CSMD1: variants seen among roughly 807,000 people sequenced by gnomAD.
CSMD1 encodes CUB and sushi domain-containing protein 1.
Under a neutral mutation model 417.5 loss-of-function variants are expected in CSMD1, and 213 were observed. The ratio of observed to expected loss-of-function variants is 0.51; its 90% CI spans 0.46 to 0.57. The LOEUF (loss-of-function observed/expected upper bound fraction) is 0.57. Among genes scored for constraint, CSMD1 ranks in the 20% least tolerant of loss-of-function variants. The pLI is 0.00. For synonymous variants in CSMD1, 2,862 were observed against 1,736.8 expected, an observed-to-expected ratio of 1.65 and a Z score of -16.11; for missense variants, 6,923 against 4,529.7, an observed-to-expected ratio of 1.53 and a Z score of -15.17.
intron 1 of CSMD1, among the ~76,000 whole-genome samples, chr8:4,888,794 A>G (rs2116990208): frequency 6.6e-6 from 1 of 152,230 alleles, no homozygotes; most frequent in South Asian, 2.1e-4. Flanking sequence ...AGGACATATC[A>G]AAAGGTCACA....
At chr8:3,951,301 A>G (rs959854929) in intron 5 of CSMD1, among the ~76,000 whole-genome samples, 1 of 152,192 alleles carries the variant, frequency 6.6e-6, no homozygotes, top group Admixed American at 6.5e-5. Flanking sequence ...TGTGTCTTCC[A>G]TGGCACCTTC....
At chr8:3,986,435 A>T (rs148309921) in intron 5 of CSMD1, among the ~76,000 whole-genome samples, 7 of 152,254 alleles carry the variant, frequency 4.6e-5, no homozygotes, top group African/African-American at 1.7e-4. Flanking sequence ...TTCAAGGTGA[A>T]ATCTGAAATA....
intron 5 of CSMD1, among the ~76,000 whole-genome samples, chr8:3,760,143 C>T (rs1797912468): frequency 6.6e-6 from 1 of 151,990 alleles, no homozygotes; most frequent in African/African-American, 2.4e-5. Flanking sequence ...AAAGGGTCTT[C>T]TTAAGGGAAT....
intron 3 of CSMD1, among the ~76,000 whole-genome samples, chr8:4,067,323 C>T (rs79939560): frequency 0.053 from 8,109 of 152,134 alleles, 265 homozygotes; most frequent in Non-Finnish European, 0.074. Flanking sequence ...CGTTAAGTAA[C>T]GTTTTCAAGT....
At chr8:4,765,260 G>A (rs1369521900) in intron 1 of CSMD1, among the ~76,000 whole-genome samples, 1 of 152,110 alleles carries the variant, frequency 6.6e-6, no homozygotes. Context: ...CTTTCCATAT[G>A]TGCCACACAA....
chr8:4,226,866 T>G (rs1301932187), intron 3 of CSMD1, among the ~76,000 whole-genome samples: 1 of 152,216 alleles, frequency 6.6e-6, no homozygotes, highest in African/African-American at 2.4e-5. Flanking sequence ...TGTCTTTAGT[T>G]TGGGAATAAG....
chr8:3,250,321 T>A (rs1486295974), intron 26 of CSMD1, among the ~76,000 whole-genome samples: 4 of 152,222 alleles, frequency 2.6e-5, no homozygotes, highest in African/African-American at 2.4e-5. Context: ...TGGTTTTTTA[T>A]CCTTGTGATA....
chr8:4,341,919 G>C (rs903736243), intron 3 of CSMD1, among the ~76,000 whole-genome samples: 2 of 152,064 alleles, frequency 1.3e-5, no homozygotes, highest in African/African-American at 4.8e-5. Flanking sequence ...TCTGTACTTA[G>C]AATTAGTACT....
At chr8:4,591,605 A>T (rs940127501) in intron 2 of CSMD1, among the ~76,000 whole-genome samples, 14 of 152,160 alleles carry the variant, frequency 9.2e-5, no homozygotes, top group Non-Finnish European at 2.1e-4. Context: ...TTCCAAGGGT[A>T]GTGATGGCGG....
intron 2 of CSMD1, among the ~76,000 whole-genome samples, chr8:4,432,798 T>C (rs773816651): frequency 6.6e-6 from 1 of 152,192 alleles, no homozygotes; most frequent in Non-Finnish European, 1.5e-5. Flanking sequence ...TTTTGGTTAT[T>C]GATTAGAAAC....
At chr8:3,376,592 T>C (rs186674829) in intron 18 of CSMD1, among the ~76,000 whole-genome samples, 10 of 152,080 alleles carry the variant, frequency 6.6e-5, no homozygotes, top group Admixed American at 2.0e-4. Context: ...GTTAAAACTA[T>C]CTTTCTTTAA....
intron 5 of CSMD1, among the ~76,000 whole-genome samples, chr8:3,782,191 A>T (rs1307717340): frequency 1.3e-5 from 2 of 152,220 alleles, no homozygotes; most frequent in Non-Finnish European, 2.9e-5. Flanking sequence ...GTCACATGAA[A>T]AGCAAATTCA....
At chr8:3,341,770 A>G (rs1807672293) in intron 23 of CSMD1, among the ~76,000 whole-genome samples, 1 of 152,174 alleles carries the variant, frequency 6.6e-6, no homozygotes, top group Admixed American at 6.5e-5. Flanking sequence ...TAATTAGACA[A>G]AATTTAATTT....
At position 4,951,751 on chromosome 8, in the gene CSMD1, C is replaced by A. The variant is rs1158458373; in HGVS notation, c.85+42581G>T. 1.3e-5 allele frequency among the ~76,000 whole-genome samples: 2 copies of A among 151,644 alleles called. 1 individual carries two copies. Among genetic ancestry groups the A allele is most frequent in the South Asian group, 4.2e-4 (2 of 4,812 alleles). Reference sequence around the variant, plus strand: ...TAATAATGTTACTCACAATCTTTCTCCACCCACACCCCCTACCTTTCCTTA... The same window carrying A: ...TAATAATGTTACTCACAATCTTTCTACACCCACACCCCCTACCTTTCCTTA... On this transcript the variant is annotated intron_variant, in intron 1 of 69. Transcript: ENST00000635120.
intron 25 of CSMD1, among the ~76,000 whole-genome samples, chr8:3,306,331 G>A (rs192205806): frequency 2.6e-5 from 4 of 152,280 alleles, no homozygotes; most frequent in East Asian, 1.9e-4. Context: ...GTGCCACCAT[G>A]CCCAGATGCT....
intron 3 of CSMD1, 57 bp downstream of exon 3, chr8:4,419,896 C>T (rs539908730): frequency 1.8e-6 from 2 of 1,127,450 alleles, no homozygotes; most frequent in African/African-American, 1.5e-5. Flanking sequence ...TCCAGTGTAG[C>T]ATGTATTAGA....
At chr8:3,934,607 C>T (rs897889474) in intron 5 of CSMD1, among the ~76,000 whole-genome samples, 1 of 152,098 alleles carries the variant, frequency 6.6e-6, no homozygotes, top group African/African-American at 2.4e-5. Context: ...GTAATCTCAG[C>T]ACTTTGGCAG....
Position 3,087,179 on chromosome 8 carries a change from T to G in CSMD1, c.7392A>C (p.Arg2464=), listed in dbSNP as rs1814592245. 1.2e-6 allele frequency: 2 copies of G among 1,613,862 alleles called. No individual in the cohort carries two copies. The highest frequency in any genetic ancestry group is 1.7e-6 in the Non-Finnish European group (2 of 1,179,910). ...KVHYFCKPGY[R]MVGHSNATCR... ...AGGTTGCATTGCTGTGGCCGACCAT[T>G]CGGTATCCAGGCTTGCAAAAATAAT... Residue 2464 remains arginine, a synonymous_variant, in exon 49 of 70, where the codon CGA becomes CGC. Coordinates refer to ENST00000635120, the MANE Select transcript of CSMD1 (RefSeq NM_033225.6).
intron 3 of CSMD1, among the ~76,000 whole-genome samples, chr8:4,064,923 T>C (rs781000867): frequency 1.5e-5 from 2 of 130,690 alleles, no homozygotes; most frequent in Admixed American, 8.3e-5. Flanking sequence ...GAATAGGACC[T>C]AGGCTTAAAA....
Sources: allele counts gnomAD v4.1 joint callset (sites outside exome capture counted in the v4.1 genomes callset), GRCh38; gene constraint gnomAD v4.1.1; transcripts MANE v1.5; gene names NCBI Gene and HGNC (gene_info 2026-07-23, HGNC 2026-07-21).